PLPP2: variants seen among roughly 807,000 people sequenced by gnomAD.
PLPP2 encodes PAP2-gamma.
In PLPP2, 29 loss-of-function variants were observed where a neutral mutation model predicts 35.2. The ratio of observed to expected loss-of-function variants is 0.82; its 90% CI spans 0.61 to 1.12. PLPP2 has a LOEUF of 1.12. PLPP2 is among the 50% of genes most tolerant of loss of function. PLPP2 has a pLI of 0.00. For synonymous variants in PLPP2, 162 were observed against 167.0 expected, an observed-to-expected ratio of 0.97 and a Z score of 0.23; for missense variants, 353 against 375.2, an observed-to-expected ratio of 0.94 and a Z score of 0.49.
intron 3 of PLPP2, 50 bp from the exon 4 acceptor site, chr19:282,859 C>T (rs777150847): frequency 6.4e-7 from 1 of 1,556,066 alleles, no homozygotes; most frequent in Admixed American, 1.7e-5. Flanking sequence ...TCCAACCTCC[C>T]CCTTGTCCCC....
At chr19:282,109 G>A (rs749257146) in intron 5 of PLPP2, 25 bp downstream of exon 5, 4 of 1,611,606 alleles carry the variant, frequency 2.5e-6, no homozygotes, top group African/African-American at 1.3e-5. Flanking sequence ...CAACACAGGG[G>A]ATAGAGTTAG....
intron 1 of PLPP2, among the ~76,000 whole-genome samples, chr19:290,713 C>T (rs1163839155): frequency 6.6e-6 from 1 of 152,188 alleles, no homozygotes; most frequent in Non-Finnish European, 1.5e-5. Flanking sequence ...CCCGCCACCC[C>T]GTTCACCCGA....
chr19:281,204 C>G lies in PLPP2; in HGVS notation c.*184G>C. ...TCCCCTCCAAATGCTGAGGGCTACC[C>G]AGGCATCTCCAGACTCCTGGTCCAG... is the stretch of plus-strand genomic sequence containing the variant. On this transcript the variant is annotated 3_prime_UTR_variant, in exon 6 of 6. Transcript: ENST00000434325. 1 of 489,774 alleles carries G rather than the reference C, an allele frequency of 2.0e-6. No individual in the cohort carries two copies. Among genetic ancestry groups the G allele is most frequent in the Non-Finnish European group, 3.2e-6 (1 of 309,886 alleles). 30.3% of individuals were successfully genotyped at this position (489,774 alleles called of 1,614,324 possible).
In PLPP2 at chr19:287,825, C is replaced by A; in HGVS notation, c.205-74G>T. 2 of 1,568,204 alleles carry A rather than the reference C, an allele frequency of 1.3e-6. No individual in the cohort carries two copies. Among genetic ancestry groups the A allele is most frequent in the Admixed American group, 3.5e-5 (2 of 56,544 alleles). On this transcript the variant is annotated intron_variant, in intron 2 of 5. Transcript: ENST00000434325. The surrounding 1 kb of genome is among the most constrained non-coding windows in gnomAD (Gnocchi z 4.3). ...GCCCTCACTCCTCCGCACGGGCCTC[C>A]CCAAGGCTGCTGGAGAGCTGGGGAC...
chr19:282,112 A>G (rs1039949306), intron 5 of PLPP2, 22 bp downstream of exon 5: 1 of 1,611,862 alleles, frequency 6.2e-7, no homozygotes, highest in Admixed American at 1.7e-5. Flanking sequence ...CACAGGGGAT[A>G]GAGTTAGGGT....
chr19:287,969 T>C lies in PLPP2; in HGVS notation c.204+51A>G. ...CCCCATCAGGCCCCCAGGGTAAAGC[T>C]GGCCCCACCCCATCCCCCTACCCAG... On this transcript the variant is annotated intron_variant, in intron 2 of 5. Coordinates refer to ENST00000434325, the MANE Select transcript of PLPP2 (RefSeq NM_003712.4). The surrounding 1 kb of genome is among the most constrained non-coding windows in gnomAD (Gnocchi z 4.3). 2.1e-6 allele frequency: 3 copies of C among 1,395,840 alleles called. 1 individual carries two copies. Among genetic ancestry groups the C allele is most frequent in the South Asian group, 2.5e-5 (2 of 80,592 alleles). The allele number at this position is 1,395,840 out of a possible 1,614,324, so 86.5% of individuals were successfully genotyped here. A position where few individuals can be genotyped will look rare whatever the true frequency, so the allele number is the denominator to read the frequency against.
In PLPP2 at chr19:288,051, G is replaced by A. The variant is rs1397599238; in HGVS notation, c.173C>T (p.Ala58Val). ...RPDTITHGLM[A>V]GVTITATVIL... Reference sequence around the variant, plus strand: ...GACGGTGGCCGTGATGGTGACCCCAGCCATGAGCCCGTGGGTGATGGTATC... The same window carrying A: ...GACGGTGGCCGTGATGGTGACCCCAACCATGAGCCCGTGGGTGATGGTATC... Residue 58 changes from alanine to valine, a missense_variant, in exon 2 of 6, where the codon GCT becomes GTT. Transcript: ENST00000434325. 1 of 1,613,758 alleles carries A rather than the reference G, an allele frequency of 6.2e-7. No homozygotes were observed. Among genetic ancestry groups the A allele is most frequent in the African/African-American group, 1.3e-5 (1 of 75,020 alleles).
In PLPP2 at chr19:288,072, GTATC is replaced by G; in HGVS notation, c.148_151del (p.Asp50ProfsTer58). ...CCCAGCCATGAGCCCGTGGGTGATG[GTATC>G]TGGACGGTAGGGGTACCGGATGGAG... On this transcript the variant is annotated frameshift_variant, in exon 2 of 6. Coordinates refer to ENST00000434325, the MANE Select transcript of PLPP2 (RefSeq NM_003712.4). LOFTEE classifies it high-confidence loss of function. 6.2e-7 allele frequency: 1 copy of G among 1,613,842 alleles called. No homozygotes were observed. The highest frequency in any genetic ancestry group is 8.5e-7 in the Non-Finnish European group (1 of 1,179,956).
rs1970302265 is a variant in PLPP2 at position 287,909 on chromosome 19, C to T, written c.204+111G>A. On this transcript the variant is annotated intron_variant, in intron 2 of 5. Transcript: ENST00000434325. The surrounding 1 kb of genome is among the most constrained non-coding windows in gnomAD (Gnocchi z 4.3). The stretch of plus-strand genomic sequence containing the variant: ...TCAGGGCAAGGCTGTGTCCCCCGGC[C>T]CCACACAGACCTCCAGGGCAGGGCT... The T allele has an allele frequency of 1.3e-6, 2 of 1,518,626 alleles. No individual in the cohort carries two copies. Among genetic ancestry groups the T allele is most frequent in the Admixed American group, 3.8e-5 (2 of 52,922 alleles). The allele number at this position is 1,518,626 out of a possible 1,614,324, so 94.1% of individuals were successfully genotyped here. A position where few individuals can be genotyped will look rare whatever the true frequency, so the allele number is the denominator to read the frequency against.
chr19:290,085 G>A lies in PLPP2; in HGVS notation c.52+1200C>T, dbSNP rs370551239. Among the ~76,000 whole-genome samples, 203 of 152,214 alleles carry A rather than the reference G, an allele frequency of 1.3e-3. 2 individuals carry two copies. The South Asian group carries it at 0.042, about 31-fold the overall frequency. ...CACCTTCTCTTCATTTAGCCCCCGG[G>A]AGCCCTCCCGCCCTCACACTGCCCT... is the stretch of plus-strand genomic sequence containing the variant. On this transcript the variant is annotated intron_variant, in intron 1 of 5. Transcript: ENST00000434325.
chr19:290,876 C>G (rs867141219), intron 1 of PLPP2: 3 of 1,144,456 alleles, frequency 2.6e-6, no homozygotes, highest in Non-Finnish European at 3.3e-6. Flanking sequence ...GGAGCGCCCA[C>G]CCCAGGGGCG....
At position 287,956 on chromosome 19, in the gene PLPP2, C is replaced by G; in HGVS notation, c.204+64G>C. On this transcript the variant is annotated intron_variant, in intron 2 of 5. Transcript: ENST00000434325. The surrounding 1 kb of genome is among the most constrained non-coding windows in gnomAD (Gnocchi z 4.3). ...GGCTGTGCCACCCCCCCATCAGGCC[C>G]CCAGGGTAAAGCTGGCCCCACCCCA... 6.6e-7 allele frequency: 1 copy of G among 1,520,690 alleles called. No individual in the cohort carries two copies. The highest frequency in any genetic ancestry group is 8.8e-7 in the Non-Finnish European group (1 of 1,135,306). 94.2% of individuals were successfully genotyped at this position (1,520,690 alleles called of 1,614,324 possible).
In PLPP2 at chr19:287,486, A is replaced by T; in HGVS notation, c.470T>A (p.Val157Asp). ...GGTCCACACCCACCTGGCCTCGGTG[A>T]CATCAGCAGGGTTTCCCCTGCACAC... ...EKVCRGNPAD[V>D]TEARLSFYSG... The change falls in exon 3 of 6, where the codon GTC (valine) becomes GAC (aspartate). Residue 157 changes from valine to aspartate, a missense_variant. By Grantham distance (152) the Val-to-Asp change is radical. Transcript: ENST00000434325. The surrounding 1 kb of genome is among the most constrained non-coding windows in gnomAD (Gnocchi z 4.3). The T allele has an allele frequency of 6.2e-7, 1 of 1,608,020 alleles. No individual in the cohort carries two copies. The highest frequency in any genetic ancestry group is 1.3e-5 in the African/African-American group (1 of 74,968).
intron 3 of PLPP2, chr19:283,863 T>G (rs1483493064): frequency 6.6e-6 from 1 of 152,162 alleles, no homozygotes; most frequent in East Asian, 1.9e-4. Flanking sequence ...TAAGGAAATC[T>G]CTGTCCTATC....
At position 287,779 on chromosome 19, in the gene PLPP2, G is replaced by A. The variant is rs1366134492; in HGVS notation, c.205-28C>T. On this transcript the variant is annotated intron_variant, in intron 2 of 5. Transcript: ENST00000434325. The surrounding 1 kb of genome is among the most constrained non-coding windows in gnomAD (Gnocchi z 4.3). ...GCAAGAGCAGCCGCAGGAACCAGTG[G>A]GGGTCTCGGTCGGCCCAGGGGCCCT... is the stretch of plus-strand genomic sequence containing the variant. The A allele has an allele frequency of 1.2e-6, 2 of 1,610,908 alleles. 1 individual carries two copies. The highest frequency in any genetic ancestry group is 3.3e-4 in the Middle Eastern group (2 of 6,052).
At chr19:284,060 CA>C (rs1970228059) in intron 3 of PLPP2, 1 of 152,144 alleles carries the variant, frequency 6.6e-6, no homozygotes, top group African/African-American at 2.4e-5. Flanking sequence ...CAGTTTAAAA[CA>C]AAGCAAAACA....
chr19:288,284 C>T, intron 1 of PLPP2, 113 bp from the exon 2 acceptor site: 2 of 1,121,354 alleles, frequency 1.8e-6, no homozygotes, highest in Non-Finnish European at 2.5e-6. Flanking sequence ...CACCAGACAG[C>T]AAGGAAGAGC....
At position 287,608 on chromosome 19, in the gene PLPP2, G is replaced by C; in HGVS notation, c.348C>G (p.Ala116=). 6.2e-7 allele frequency: 1 copy of C among 1,613,912 alleles called. No homozygotes were observed. Among genetic ancestry groups the C allele is most frequent in the Non-Finnish European group, 8.5e-7 (1 of 1,180,044 alleles). Residue 116 remains alanine (A), a synonymous_variant, in exon 3 of 6, where the codon GCC becomes GCG. Transcript: ENST00000434325. This position sits in a 1 kb window ranked among gnomAD's most constrained non-coding sequence, Gnocchi z 4.3. ...GCCTCAGACGCCCAATCATGTACTT[G>C]GCCAGGTCTGTCAGAGACTGGCTCA... ...AAVSQSLTDL[A]KYMIGRLRPN...
Position 287,665 on chromosome 19 carries a change from C to G in PLPP2, c.291G>C (p.Lys97Asn). ...CCCCAAACAGGAAGGTCCCCAGCAC[C>G]TTGTATACAGCAGCCACGTAGTTGT... Reference protein sequence around the residue: ...DFNNYVAAVYKVLGTFLFGAA... With the variant: ...DFNNYVAAVYNVLGTFLFGAA... Residue 97 changes from lysine (K) to asparagine (N), a missense_variant, in exon 3 of 6, where the codon AAG (lysine) becomes AAC (asparagine). Coordinates refer to ENST00000434325, the MANE Select transcript of PLPP2 (RefSeq NM_003712.4). The surrounding 1 kb of genome is among the most constrained non-coding windows in gnomAD (Gnocchi z 4.3). 1 of 1,613,954 alleles carries G rather than the reference C, an allele frequency of 6.2e-7. No homozygotes were observed. The highest frequency in any genetic ancestry group is 8.5e-7 in the Non-Finnish European group (1 of 1,180,034).
Sources: allele counts gnomAD v4.1 joint callset (sites outside exome capture counted in the v4.1 genomes callset), GRCh38; gene constraint gnomAD v4.1.1; non-coding constraint Gnocchi (gnomAD v3.1); transcripts MANE v1.5; gene names NCBI Gene and HGNC (gene_info 2026-07-23, HGNC 2026-07-21).